Variants in KIF7 observed in about 807,000 individuals in gnomAD.
KIF7 encodes the protein kinesin-like protein KIF7.
Under a neutral mutation model 135.7 loss-of-function variants are expected in KIF7, and 104 were observed. The observed-to-expected ratio is 0.77, with a 90% CI of 0.65 to 0.90. The LOEUF (loss-of-function observed/expected upper bound fraction) is 0.90, where lower values mean the gene tolerates loss of function less well. Among genes scored for constraint, KIF7 ranks in the 40% least tolerant of loss-of-function variants. The pLI is 0.00. For synonymous variants in KIF7, 883 were observed against 809.4 expected (o/e 1.09, Z -1.54); for missense variants, 2,005 against 1,839.1 (o/e 1.09, Z -1.65).
At chr15:89,621,994 T>C (rs1963434152) in intron 1 of KIF7, among the ~76,000 whole-genome samples, 2 of 148,360 alleles carry the variant, frequency 1.3e-5, no homozygotes, top group Non-Finnish European at 3.0e-5. Flanking sequence ...TTTTTTTTTT[T>C]TTTTTTTTTG....
upstream of KIF7, among the ~76,000 whole-genome samples, chr15:89,658,625 G>A (rs899424464): frequency 1.3e-5 from 2 of 152,160 alleles, no homozygotes; most frequent in Non-Finnish European, 2.9e-5. Flanking sequence ...CACTTTGGGA[G>A]GCTGAGGCAG....
chr15:89,629,652 T>A, intron 16 of KIF7, 79 bp from the exon 17 acceptor site: 1 of 1,573,398 alleles, frequency 6.4e-7, no homozygotes, highest in Non-Finnish European at 8.6e-7. Context: ...AGACACAGTA[T>A]TGGCACACTT....
chr15:89,624,636 C>A, downstream of KIF7: 1 of 1,614,078 alleles, frequency 6.2e-7, no homozygotes, highest in Non-Finnish European at 8.5e-7. Flanking sequence ...GCTACCCAGG[C>A]CCTGGTCTCA....
intron 4 of KIF7, 54 bp from the exon 5 acceptor site, chr15:89,648,828 C>G: frequency 6.7e-7 from 1 of 1,494,746 alleles, no homozygotes; most frequent in Non-Finnish European, 8.9e-7. Flanking sequence ...GGCCCAGGGC[C>G]AGCGGGCCAG....
At chr15:89,659,102 TTG>T (rs1248970742), upstream of KIF7, among the ~76,000 whole-genome samples, 1 of 151,974 alleles carries the variant, frequency 6.6e-6, no homozygotes, top group African/African-American at 2.4e-5. Flanking sequence ...TTAAGAACTT[TTG>T]TTCATTGAAA....
downstream of KIF7, among the ~76,000 whole-genome samples, chr15:89,626,544 C>A (rs1036895142): frequency 1.3e-5 from 2 of 152,192 alleles, no homozygotes; most frequent in African/African-American, 4.8e-5. Context: ...GGCCTGTTAA[C>A]TGCCCTGGTT....
chr15:89,621,989 T>TTC (rs1044584917), intron 1 of KIF7, among the ~76,000 whole-genome samples: 1 of 146,002 alleles, frequency 6.8e-6, no homozygotes, highest in African/African-American at 2.6e-5. Context: ...ACTCTTTTTT[T>TTC]TTTTTTTTTT....
At chr15:89,662,929 T>G in the KIF7 span, among the ~76,000 whole-genome samples, 1 of 152,230 alleles carries the variant, frequency 6.6e-6, no homozygotes, top group African/African-American at 2.4e-5. Flanking sequence ...CTTACACTGT[T>G]TGCTTCCTGG....
chr15:89,654,192 A>G (rs1029452835), intron 1 of KIF7, among the ~76,000 whole-genome samples: 6 of 151,784 alleles, frequency 4.0e-5, no homozygotes, highest in Admixed American at 2.6e-4. Flanking sequence ...TGTATTTTTC[A>G]TAGAGACAGG....
At chr15:89,621,623 T>G in intron 1 of KIF7, 1 of 1,321,082 alleles carries the variant, frequency 7.6e-7, no homozygotes. Flanking sequence ...GAACTCAGAG[T>G]CCATTAGGGA....
chr15:89,642,331 G>C lies in KIF7; in HGVS notation c.2266C>G (p.Arg756Gly). The C allele has an allele frequency of 6.2e-7, 1 of 1,609,966 alleles. No homozygotes were observed. The highest frequency in any genetic ancestry group is 8.5e-7 in the Non-Finnish European group (1 of 1,178,904). ...RELEQEAEQV[R>G]AELSEGQRQL... ...CTCTGGCCTTCACTCAGCTCGGCCC[G>C]CACCTGCTCTGCCTCCTGCTCCAGC... Residue 756 changes from arginine to glycine, a missense_variant, in exon 11 of 19, where the codon CGG becomes GGG. Physicochemically the swap from Arg to Gly is moderately radical, Grantham distance 125. Transcript: ENST00000394412.
chr15:89,628,442 C>G lies in KIF7; in HGVS notation c.4009G>C (p.Asp1337His). 6 of 1,607,640 alleles carry G rather than the reference C, an allele frequency of 3.7e-6. No homozygotes were observed. The highest frequency in any genetic ancestry group is 5.1e-6 in the Non-Finnish European group (6 of 1,176,740). The change falls in exon 19 of 19, where the codon GAT (aspartate) becomes CAT (histidine). Residue 1337 changes from aspartate (D) to histidine (H), a missense_variant. Physicochemically the swap from Asp to His is moderately conservative, Grantham distance 81 (BLOSUM62 -1). Transcript: ENST00000394412. ...ELRRASPGMI[D>H]VRKNPL ...GCTTACAGGGGGTTTTTCCGGACAT[C>G]AATCATCCCCGGGCTGGCTCGTCGC...
intron 11 of KIF7, among the ~76,000 whole-genome samples, chr15:89,634,466 G>A (rs1423655288): frequency 2.6e-5 from 4 of 152,224 alleles, no homozygotes; most frequent in Non-Finnish European, 5.9e-5. Flanking sequence ...GTCAGTGGGT[G>A]CGCGCACCGT....
intron 1 of KIF7, among the ~76,000 whole-genome samples, chr15:89,653,288 C>T (rs1305632221): frequency 6.6e-6 from 1 of 152,190 alleles, no homozygotes; most frequent in African/African-American, 2.4e-5. Flanking sequence ...CACACCACAC[C>T]AGGGAACTCC....
In KIF7 at chr15:89,631,712, TG is replaced by T. The variant is rs778671025; in HGVS notation, c.2896-3del. On this transcript the variant is annotated splice_region_variant and splice_polypyrimidine_tract_variant and intron_variant, in intron 14 of 18. Coordinates refer to ENST00000394412, the MANE Select transcript of KIF7 (RefSeq NM_198525.3). The stretch of plus-strand genomic sequence containing the variant: ...TCGCACGATGTCCTCGTTGAGGGCC[TG>T]GGGGCAGAATCACCAGGGATTAGAG... The T allele has an allele frequency of 1.3e-6, 2 of 1,550,080 alleles. No individual in the cohort carries two copies. The highest frequency in any genetic ancestry group is 1.4e-5 in the African/African-American group (1 of 73,176).
Position 89,621,456 on chromosome 15 carries a change from T to C in KIF7, c.181-3261A>G, listed in dbSNP as rs1481019833. 6 of 1,613,974 alleles carry C rather than the reference T, an allele frequency of 3.7e-6. No homozygotes were observed. The highest frequency in any genetic ancestry group is 5.1e-6 in the Non-Finnish European group (6 of 1,179,980). On this transcript the variant is annotated intron_variant and NMD_transcript_variant, in intron 1 of 2. Transcript: ENST00000558928. ...CCCAAGAGTCTTCTTTTTGGGGCAATGTCTGAGATGATCAGCCCCTCAGAA... is the reference window on the plus strand; with the variant it reads ...CCCAAGAGTCTTCTTTTTGGGGCAACGTCTGAGATGATCAGCCCCTCAGAA...
rs1411025258 is a variant in KIF7 at position 89,630,498 on chromosome 15, A to G, written c.3112-5T>C. Reference sequence around the variant, plus strand: ...CTGGAACAGCGTCCGCTCCTCCTGCAGAGACGGGCACGCGTGGAGGAACAG... The same window carrying G: ...CTGGAACAGCGTCCGCTCCTCCTGCGGAGACGGGCACGCGTGGAGGAACAG... On this transcript the variant is annotated splice_region_variant and splice_polypyrimidine_tract_variant and intron_variant, in intron 15 of 18. Transcript: ENST00000394412. 3 of 1,500,972 alleles carry G rather than the reference A, an allele frequency of 2.0e-6. No homozygotes were observed. The highest frequency in any genetic ancestry group is 2.7e-6 in the Non-Finnish European group (3 of 1,123,594). 93.0% of individuals were successfully genotyped at this position (1,500,972 alleles called of 1,614,324 possible). A position where few individuals can be genotyped will look rare whatever the true frequency, so the allele number is the denominator to read the frequency against.
upstream of KIF7, among the ~76,000 whole-genome samples, chr15:89,659,964 A>C (rs1964242150): frequency 6.6e-6 from 1 of 152,216 alleles, no homozygotes; most frequent in South Asian, 2.1e-4. Context: ...CGGGGGACCG[A>C]GGTGGGTGGA....
chr15:89,632,793 G>A, intron 14 of KIF7, 27 bp downstream of exon 14: 1 of 1,593,588 alleles, frequency 6.3e-7, no homozygotes. Flanking sequence ...ACCTCACCTG[G>A]CAGGATCTCT....
Sources: allele counts gnomAD v4.1 joint callset (sites outside exome capture counted in the v4.1 genomes callset), GRCh38; gene constraint gnomAD v4.1.1; transcripts MANE v1.5; gene names NCBI Gene and HGNC (gene_info 2026-07-23, HGNC 2026-07-21).